PPP2R1B: variants seen among roughly 807,000 people sequenced by gnomAD.
PPP2R1B encodes the protein serine/threonine-protein phosphatase 2A 65 kDa regulatory subunit A beta isoform.
PPP2R1B carries 58 observed loss-of-function variants against 72.7 expected under a neutral mutation model. That is an observed-to-expected ratio of 0.80 (90% confidence interval 0.65 to 0.99). The LOEUF is 0.99. PPP2R1B is among the 50% of genes least tolerant of loss of function. The pLI is 0.00. For missense variants in PPP2R1B, 695 were observed against 733.6 expected (o/e 0.95, Z 0.61); for synonymous variants, 256 against 264.6 (o/e 0.97, Z 0.32).
downstream of PPP2R1B, chr11:111,722,642 A>C (rs1943836568): frequency 6.2e-7 from 1 of 1,609,414 alleles, no homozygotes. This position sits in a 1 kb window ranked among gnomAD's most constrained non-coding sequence, Gnocchi z 4.4. Context: ...TGTCACGCTC[A>C]TGTTGTTTTT....
At chr11:111,709,787 G>A in the PPP2R1B span, among the ~76,000 whole-genome samples, 2 of 152,166 alleles carry the variant, frequency 1.3e-5, no homozygotes, top group Admixed American at 6.5e-5. Flanking sequence ...AACAAAAAGC[G>A]TTATTCCTTG....
intron 10 of PPP2R1B, among the ~76,000 whole-genome samples, chr11:111,750,665 G>A (rs914476223): frequency 8.7e-5 from 12 of 137,706 alleles, no homozygotes; most frequent in African/African-American, 2.7e-4. Flanking sequence ...AACTGTCTAG[G>A]CCACCTACTC....
chr11:111,701,386 G>A, the PPP2R1B span: 5 of 1,561,996 alleles, frequency 3.2e-6, no homozygotes, highest in East Asian at 9.1e-5. This position sits in a 1 kb window ranked among gnomAD's most constrained non-coding sequence, Gnocchi z 4.2. Context: ...CCCTGGGGAT[G>A]TTCAGGAAAA....
the PPP2R1B span, chr11:111,712,075 A>G: frequency 4.3e-6 from 4 of 924,100 alleles, no homozygotes; most frequent in Non-Finnish European, 6.5e-6. Context: ...ATTTCACTAA[A>G]TCTTTCTGGA....
At chr11:111,708,331 G>A in the PPP2R1B span, among the ~76,000 whole-genome samples, 2 of 152,060 alleles carry the variant, frequency 1.3e-5, no homozygotes, top group African/African-American at 4.8e-5. Context: ...GCAGTGAGCC[G>A]AGATGACACC....
At chr11:111,721,160 C>A in the PPP2R1B span, 1 of 1,395,036 alleles carries the variant, frequency 7.2e-7, no homozygotes, top group Non-Finnish European at 9.6e-7. Context: ...TCCTCCAGTC[C>A]TGGAGCAAAC....
At chr11:111,706,721 G>A in the PPP2R1B span, among the ~76,000 whole-genome samples, 95 of 152,010 alleles carry the variant, frequency 6.2e-4, no homozygotes, top group Non-Finnish European at 1.1e-3. Flanking sequence ...CAGCACTTTG[G>A]GAGGCTGAGG....
At chr11:111,709,444 C>A in the PPP2R1B span, among the ~76,000 whole-genome samples, 1 of 152,136 alleles carries the variant, frequency 6.6e-6, no homozygotes, top group African/African-American at 2.4e-5. Context: ...AACGATTTTC[C>A]CATAGGAAAG....
chr11:111,717,177 G>A, the PPP2R1B span, among the ~76,000 whole-genome samples: 7 of 151,638 alleles, frequency 4.6e-5, no homozygotes, highest in African/African-American at 7.3e-5. Context: ...TTAGCCGGGC[G>A]TGGTGATGGG....
chr11:111,720,964 A>G, the PPP2R1B span: 1 of 1,614,210 alleles, frequency 6.2e-7, no homozygotes. Context: ...AGAGTTGAAC[A>G]AAGTGCAGTT....
the PPP2R1B span, among the ~76,000 whole-genome samples, chr11:111,690,693 T>C: frequency 6.6e-6 from 1 of 151,426 alleles, no homozygotes; most frequent in African/African-American, 2.4e-5. Context: ...CTCCCACTTA[T>C]GAGTGAGAAC....
the PPP2R1B span, among the ~76,000 whole-genome samples, chr11:111,706,511 T>A: frequency 6.6e-6 from 1 of 152,072 alleles, no homozygotes; most frequent in Non-Finnish European, 1.5e-5. Flanking sequence ...GGCAGGAGAG[T>A]TTTGACTTTG....
chr11:111,765,997 C>T (rs582609), intron 1 of PPP2R1B: 2 of 586,018 alleles, frequency 3.4e-6, no homozygotes, highest in African/African-American at 1.9e-5. Flanking sequence ...CCCCGACAAC[C>T]GCCCGGGAAG....
the PPP2R1B span, among the ~76,000 whole-genome samples, chr11:111,711,182 G>T: frequency 4.6e-5 from 7 of 151,674 alleles, no homozygotes; most frequent in African/African-American, 1.7e-4. Context: ...GCAGTGGCGG[G>T]ATCTTGGCTC....
chr11:111,721,165 G>A, the PPP2R1B span: 1 of 1,373,134 alleles, frequency 7.3e-7, no homozygotes, highest in Non-Finnish European at 9.8e-7. Context: ...CAGTCCTGGA[G>A]CAAACAGGCT....
intron 13 of PPP2R1B, 171 bp downstream of exon 13, chr11:111,742,352 T>C: frequency 7.3e-6 from 6 of 820,200 alleles, no homozygotes; most frequent in Non-Finnish European, 1.1e-5. Context: ...AGCTTAAATA[T>C]AAAAGTCATA....
intron 8 of PPP2R1B, 119 bp from the exon 9 acceptor site, chr11:111,753,696 G>T: frequency 1.9e-6 from 2 of 1,033,052 alleles, no homozygotes; most frequent in Non-Finnish European, 2.7e-6. Flanking sequence ...GCATGACCTT[G>T]GCTCACTGCA....
downstream of PPP2R1B, chr11:111,724,266 G>C: frequency 1.6e-6 from 2 of 1,275,546 alleles, no homozygotes; most frequent in Non-Finnish European, 1.1e-6. Context: ...ACTGGAATCA[G>C]AGGGTCTGGC....
chr11:111,738,715 T>G lies in PPP2R1B; in HGVS notation c.*2881A>C, dbSNP rs1944415724. ...ACATATTCACCTGCCTTCCTTCTTA[T>G]GAAACAAGATGCATCCTCAGGTTCA... On this transcript the variant is annotated 3_prime_UTR_variant, in exon 15 of 15. Coordinates refer to ENST00000527614, the MANE Select transcript of PPP2R1B (RefSeq NM_002716.5). The G allele has an allele frequency of 3.0e-6, 3 of 985,424 alleles. No homozygotes were observed. The highest frequency in any genetic ancestry group is 3.6e-6 in the Non-Finnish European group (3 of 829,942). 61.0% of individuals were successfully genotyped at this position (985,424 alleles called of 1,614,324 possible). A position where few individuals can be genotyped will look rare whatever the true frequency, so the allele number is the denominator to read the frequency against.
Sources: allele counts gnomAD v4.1 joint callset (sites outside exome capture counted in the v4.1 genomes callset), GRCh38; gene constraint gnomAD v4.1.1; non-coding constraint Gnocchi (gnomAD v3.1); transcripts MANE v1.5; gene names NCBI Gene and HGNC (gene_info 2026-07-23, HGNC 2026-07-21).